The following ALAS2 variants were observed in gnomAD, a reference collection of about 807,000 sequenced individuals.
ALAS2 encodes 5'-aminolevulinate synthase 2.
A neutral mutation model predicts 33.7 loss-of-function variants in ALAS2; 3 were observed. The ratio of observed to expected loss-of-function variants is 0.09; its 90% confidence interval spans 0.04 to 0.23. The LOEUF (loss-of-function observed/expected upper bound fraction) is 0.23, where lower values mean the gene tolerates loss of function less well. ALAS2 is among the 10% of genes least tolerant of loss of function. The pLI is 1.00. For synonymous variants in ALAS2, 191 were observed against 177.3 expected (o/e 1.08, Z -0.61); for missense variants, 304 against 475.1 (o/e 0.64, Z 3.35).
chrX:55,022,397 C>T (rs1269026935), intron 4 of ALAS2, among the ~76,000 whole-genome samples: 2 of 111,368 alleles, frequency 1.8e-5, no homozygotes, highest in Non-Finnish European at 3.8e-5. Context: ...AATTTCAACT[C>T]AGTAGAAAAA....
intron 6 of ALAS2, among the ~76,000 whole-genome samples, chrX:55,019,123 C>A (rs1935754844): frequency 1.8e-5 from 2 of 110,290 alleles, no homozygotes; most frequent in South Asian, 7.7e-4. Context: ...GGAAAGAGGG[C>A]AGTAGCTAGA....
At chrX:55,010,170 C>G (rs1935577766) in intron 10 of ALAS2, among the ~76,000 whole-genome samples, 1 of 111,553 alleles carries the variant, frequency 9.0e-6, no homozygotes, top group Admixed American at 9.5e-5. Context: ...AGCAAAGACC[C>G]TTGGCTCTAC....
intron 6 of ALAS2, among the ~76,000 whole-genome samples, chrX:55,019,951 C>G (rs189267190): frequency 1.3e-4 from 15 of 111,680 alleles, no homozygotes; most frequent in African/African-American, 4.9e-4. Flanking sequence ...AGGTTATTTG[C>G]TAAGTGTGGA....
At chrX:55,020,623 T>G in intron 5 of ALAS2, 119 bp from the exon 6 acceptor site, 1 of 718,367 alleles carries the variant, frequency 1.4e-6, no homozygotes. Context: ...CTATATAAAC[T>G]GTGTCCTATG....
chrX:55,025,918 G>A lies in ALAS2; in HGVS notation c.83C>T (p.Thr28Ile). Residue 28 changes from threonine to isoleucine, a missense_variant, in exon 2 of 11, where the codon ACT (threonine) becomes ATT (isoleucine). Physicochemically the swap from Thr to Ile is moderately conservative, Grantham distance 89. Coordinates refer to ENST00000650242, the MANE Select transcript of ALAS2 (RefSeq NM_000032.5). ...PTSLLGKVVK[T>I]HQFLFGIGRC... ...TCCAATACCAAACAGGAACTGGTGA[G>A]TCTTAACCACCTTGCCTAGGAGGCT... The A allele has an allele frequency of 8.3e-7, 1 of 1,211,313 alleles. No individual in the cohort carries two copies. The highest frequency in any genetic ancestry group is 1.1e-6 in the Non-Finnish European group (1 of 895,183).
At position 55,018,748 on chromosome X, in the gene ALAS2, G is replaced by C. The variant is rs551076838; in HGVS notation, c.824-1083C>G. On this transcript the variant is annotated intron_variant, in intron 6 of 10. Coordinates refer to ENST00000650242, the MANE Select transcript of ALAS2 (RefSeq NM_000032.5). The stretch of plus-strand genomic sequence containing the variant: ...TTGGATTTGGTCCTGGGGGAATGGG[G>C]GTCCACTAAAGGGTTTTGACCAGGG... Among the ~76,000 whole-genome samples the C allele has an allele frequency of 9.0e-5, 10 of 111,215 alleles. No homozygotes were observed. In the South Asian group the frequency reaches 3.8e-3, roughly 43 times the overall value.
intron 10 of ALAS2, among the ~76,000 whole-genome samples, chrX:55,012,026 A>G (rs759920600): frequency 6.2e-5 from 7 of 112,101 alleles, no homozygotes; most frequent in Non-Finnish European, 1.3e-4. Context: ...TAATACGTGT[A>G]AAGTGTTTAG....
intron 10 of ALAS2, among the ~76,000 whole-genome samples, 187 bp from the exon 11 acceptor site, chrX:55,009,530 A>G (rs917104170): frequency 9.0e-6 from 1 of 111,670 alleles, no homozygotes; most frequent in Middle Eastern, 4.6e-3. Context: ...ATGCTGGGAT[A>G]TATATTATAA....
At chrX:55,014,540 GC>G (rs1364274534) in intron 9 of ALAS2, among the ~76,000 whole-genome samples, 1 of 112,430 alleles carries the variant, frequency 8.9e-6, no homozygotes, top group Non-Finnish European at 1.9e-5. Context: ...AATCTAATAA[GC>G]ATGAGGTAAT....
At chrX:55,016,590 G>A (rs1935708034) in intron 7 of ALAS2, among the ~76,000 whole-genome samples, 1 of 111,271 alleles carries the variant, frequency 9.0e-6, no homozygotes, top group South Asian at 3.8e-4. Flanking sequence ...GGAATACTAT[G>A]GACTCTTTTG....
intron 9 of ALAS2, 87 bp downstream of exon 9, chrX:55,014,660 A>G (rs752351414): frequency 2.2e-4 from 221 of 1,001,141 alleles, no homozygotes; most frequent in Non-Finnish European, 2.8e-4. Context: ...AAATAATTGA[A>G]GACAGCAACA....
chrX:55,009,425 T>C, intron 10 of ALAS2, 82 bp from the exon 11 acceptor site: 1 of 1,009,568 alleles, frequency 9.9e-7, no homozygotes, highest in Non-Finnish European at 1.3e-6. Context: ...TGAGCCAAGA[T>C]ATTGATCCCC....
chrX:55,024,874 T>C, intron 2 of ALAS2, 34 bp from the exon 3 acceptor site: 1 of 1,208,775 alleles, frequency 8.3e-7, no homozygotes, highest in Admixed American at 2.2e-5. Flanking sequence ...TTGGGGTGCA[T>C]TTCTAGTCAT....
chrX:55,020,469 C>A lies in ALAS2; in HGVS notation c.674G>T (p.Gly225Val). 1 of 1,182,097 alleles carries A rather than the reference C, an allele frequency of 8.5e-7. No individual in the cohort carries two copies. The highest frequency in any genetic ancestry group is 1.1e-6 in the Non-Finnish European group (1 of 880,358). Residue 225 changes from glycine (G) to valine (V), a missense_variant, in exon 6 of 11, where the codon GGC becomes GTC. Transcript: ENST00000650242. The stretch of plus-strand genomic sequence containing the variant: ...ACTGGTGCCTGAGATGTTGCGGGTG[C>A]CACCAGCTCCAGCACCATGACGCTG... ...TLQRHGAGAGGTRNISGTSKF... is the reference protein window; with the variant it reads ...TLQRHGAGAGVTRNISGTSKF...
At chrX:55,018,113 A>G (rs949690929) in intron 6 of ALAS2, among the ~76,000 whole-genome samples, 1 of 112,038 alleles carries the variant, frequency 8.9e-6, no homozygotes, top group Non-Finnish European at 1.9e-5. Flanking sequence ...TTGTGGTTAC[A>G]GGGATGGATA....
chrX:55,009,381 T>A, intron 10 of ALAS2, 38 bp from the exon 11 acceptor site: 4 of 1,157,422 alleles, frequency 3.5e-6, no homozygotes, highest in Non-Finnish European at 4.6e-6. Flanking sequence ...AAAAATGGGT[T>A]AGACTAGATC....
chrX:55,019,486 G>A (rs1935762479), intron 6 of ALAS2, among the ~76,000 whole-genome samples: 2 of 110,823 alleles, frequency 1.8e-5, no homozygotes, highest in African/African-American at 3.3e-5. Context: ...GGGGAGGAGG[G>A]GGTGTGGGAA....
rs763424598 is a variant in ALAS2 at position 55,015,529 on chromosome X, G to T, written c.1168+49C>A. The T allele has an allele frequency of 3.4e-6, 4 of 1,193,527 alleles. No individual in the cohort carries two copies. In the Admixed American group the frequency reaches 8.7e-5, roughly 26 times the overall value. On this transcript the variant is annotated intron_variant, in intron 8 of 10. Transcript: ENST00000650242. ...GAGGAGGCAGAAAAGAATTTTGTAA[G>T]GGCCTCCTCTCTGGAGGGTATATAA... is the stretch of plus-strand genomic sequence containing the variant.
In ALAS2 at chrX:55,021,109, C is replaced by A; in HGVS notation, c.581G>T (p.Trp194Leu). 1 of 1,211,650 alleles carries A rather than the reference C, an allele frequency of 8.3e-7. No homozygotes were observed. Among genetic ancestry groups the A allele is most frequent in the Non-Finnish European group, 1.1e-6 (1 of 895,546 alleles). The change falls in exon 5 of 11, where the codon TGG becomes TTG. Residue 194 changes from tryptophan to leucine, a missense_variant. By Grantham distance (61) the Trp-to-Leu change is moderately conservative. Around this residue, in one of 3 missense-constraint regions of ALAS2, gnomAD observed 138 missense variants for 265.3 expected, o/e 0.52. Transcript: ENST00000650242. The part of the protein sequence containing the change: ...ASVASKDVSV[W>L]CSNDYLGMSR... ...CATGCCCAGGTAATCATTACTACACCAGACGGACACATCCTTTGAGGCCAC... is the reference window on the plus strand; with the variant it reads ...CATGCCCAGGTAATCATTACTACACAAGACGGACACATCCTTTGAGGCCAC...
Sources: gnomAD v4.1 joint callset for allele counts (sites outside exome capture counted in the v4.1 genomes callset) on GRCh38, gnomAD v4.1.1 for gene constraint, gnomAD v4.1.1 regional missense constraint, MANE v1.5 for transcripts, NCBI Gene and HGNC (gene_info 2026-07-23, HGNC 2026-07-21) for gene names.